BLM: variants seen among roughly 807,000 people sequenced by gnomAD.
BLM encodes the protein recQ-like DNA helicase BLM.
In BLM, 95 loss-of-function variants were observed where a neutral mutation model predicts 135.3. The ratio of observed to expected loss-of-function variants is 0.70; its 90% CI spans 0.59 to 0.83. The LOEUF (loss-of-function observed/expected upper bound fraction) is 0.83, where lower values mean the gene tolerates loss of function less well. Among genes scored for constraint, BLM ranks in the 40% least tolerant of loss-of-function variants. The pLI is 0.00. For synonymous variants in BLM, 520 were observed against 589.2 expected (o/e 0.88, Z 1.70); for missense variants, 1,518 against 1,663.9 (o/e 0.91, Z 1.53).
At chr15:90,737,783 A>G (rs531536257) in intron 1 of BLM, among the ~76,000 whole-genome samples, 2 of 152,234 alleles carry the variant, frequency 1.3e-5, no homozygotes, top group South Asian at 2.1e-4. Flanking sequence ...AACAAACCAA[A>G]CCCAAAGCTA....
chr15:90,809,644 T>A (rs979152277), intron 20 of BLM, among the ~76,000 whole-genome samples: 1 of 152,222 alleles, frequency 6.6e-6, no homozygotes, highest in African/African-American at 2.4e-5. Flanking sequence ...AGGAACATGT[T>A]ATCTGACAAA....
In BLM at chr15:90,760,990, A is replaced by C; in HGVS notation, c.1617A>C (p.Ser539=). The C allele has an allele frequency of 6.2e-7, 1 of 1,611,288 alleles. No homozygotes were observed. Among genetic ancestry groups the C allele is most frequent in the Non-Finnish European group, 8.5e-7 (1 of 1,179,160 alleles). Residue 539 remains serine (S), a synonymous_variant, in exon 7 of 22, where the codon TCA becomes TCC. Transcript: ENST00000355112. The part of the protein sequence containing the change: ...AVKDQNKHTA[S]INDLERETQP... ...AAGATCAGAATAAACATACTGCTTC[A>C]ATAAATGACTTAGAAAGAGAAACCC...
rs747341586 is a variant in BLM at position 90,766,977 on chromosome 15, C to CA, written c.2268dup (p.Asp757ArgfsTer18). ...GCTACAAATATTTACCTCCAGTTAT[C>CA]AAAAAAAGACCCAATCATAAAACTT... On this transcript the variant is annotated frameshift_variant, in exon 10 of 22. Transcript: ENST00000355112. LOFTEE classifies it high-confidence loss of function. The CA allele has an allele frequency of 2.5e-6, 4 of 1,601,458 alleles. No homozygotes were observed. Among genetic ancestry groups the CA allele is most frequent in the Non-Finnish European group, 3.4e-6 (4 of 1,170,514 alleles).
In BLM at chr15:90,769,465, A is replaced by C. The variant is rs763827222; in HGVS notation, c.2434A>C (p.Lys812Gln). 2 of 1,614,196 alleles carry C rather than the reference A, an allele frequency of 1.2e-6. No individual in the cohort carries two copies. Among genetic ancestry groups the C allele is most frequent in the East Asian group, 4.5e-5 (2 of 44,888 alleles). ...QWGHDFRQDY[K>Q]RMNMLRQKFP... is the part of the protein sequence containing the mutation. ...GGGACATGATTTTCGTCAAGATTAC[A>C]AAAGAATGAATATGCTTCGCCAGAA... Residue 812 changes from lysine to glutamine, a missense_variant, in exon 12 of 22, where the codon AAA becomes CAA. This residue lies in a region of BLM where 626 missense variants were observed against 681.1 expected (regional missense o/e 0.92). Coordinates refer to ENST00000355112, the MANE Select transcript of BLM (RefSeq NM_000057.4).
intron 19 of BLM, 92 bp downstream of exon 19, chr15:90,804,451 C>A: frequency 7.4e-7 from 1 of 1,358,158 alleles, no homozygotes; most frequent in Non-Finnish European, 1.0e-6. Flanking sequence ...AAATATATCT[C>A]AGTGGTTTGT....
chr15:90,779,494 T>C (rs1345977795), intron 12 of BLM, among the ~76,000 whole-genome samples: 1 of 152,208 alleles, frequency 6.6e-6, no homozygotes, highest in Non-Finnish European at 1.5e-5. Flanking sequence ...CATTTTAAGA[T>C]TTTCTTCATC....
chr15:90,728,562 C>T lies in BLM; in HGVS notation c.-5+11122C>T, dbSNP rs546929908. Among the ~76,000 whole-genome samples the T allele has an allele frequency of 1.4e-4, 21 of 151,832 alleles. No homozygotes were observed. The South Asian group carries it at 1.9e-3, about 14-fold the overall frequency. On this transcript the variant is annotated intron_variant, in intron 1 of 21. Transcript: ENST00000355112. ...TAGGCACGTGCCACTACTGCCACCA[C>T]GTTCAGCTAATTTTTATATATTTAG...
intron 2 of BLM, 47 bp downstream of exon 2, chr15:90,747,537 C>G (rs377436866): frequency 2.3e-5 from 26 of 1,132,306 alleles, no homozygotes; most frequent in Admixed American, 1.9e-4. Flanking sequence ...TAACTTACCA[C>G]ATTGTACACA....
intron 9 of BLM, 36 bp from the exon 10 acceptor site, chr15:90,766,874 T>C: frequency 1.5e-6 from 2 of 1,326,100 alleles, no homozygotes; most frequent in East Asian, 2.3e-5. Flanking sequence ...CAGGTTAATG[T>C]ATAAAATTGA....
intron 1 of BLM, among the ~76,000 whole-genome samples, chr15:90,728,908 A>G (rs1454804987): frequency 6.6e-6 from 1 of 151,938 alleles, no homozygotes; most frequent in Non-Finnish European, 1.5e-5. Context: ...GGCCGGGAAC[A>G]TTGGCTCATG....
chr15:90,809,255 G>A lies in BLM; in HGVS notation c.3870G>A (p.Ser1290=), dbSNP rs1250145765. The A allele has an allele frequency of 1.9e-6, 3 of 1,614,164 alleles. No individual in the cohort carries two copies. The highest frequency in any genetic ancestry group is 1.7e-5 in the Admixed American group (1 of 60,012). The change falls in exon 20 of 22, where the codon TCG becomes TCA. Residue 1290 remains serine, a synonymous_variant. Transcript: ENST00000355112. ...TACAGAAATACTCTGAATGGACATC[G>A]CCAGGTTAGTACACAGCCATGTGTG... ...SVLQKYSEWT[S]PAEDSSPGIS...
intron 10 of BLM, among the ~76,000 whole-genome samples, chr15:90,767,942 C>CA (rs1555420691): frequency 1.4e-5 from 2 of 148,004 alleles, no homozygotes; most frequent in East Asian, 3.9e-4. Context: ...GTTGGTTACA[C>CA]TTTTTTTTTC....
At chr15:90,720,885 G>A (rs1596192840) in intron 1 of BLM, among the ~76,000 whole-genome samples, 1 of 152,052 alleles carries the variant, frequency 6.6e-6, no homozygotes, top group East Asian at 1.9e-4. Context: ...CACCTGGCCT[G>A]CTTTTTTCAA....
At chr15:90,750,216 A>G in intron 3 of BLM, 149 bp downstream of exon 3, 1 of 852,856 alleles carries the variant, frequency 1.2e-6, no homozygotes, top group Non-Finnish European at 1.9e-6. Flanking sequence ...TGTTGGCCAC[A>G]TTTTTGAGGC....
At chr15:90,802,370 T>A (rs1331543136) in intron 17 of BLM, among the ~76,000 whole-genome samples, 1 of 152,226 alleles carries the variant, frequency 6.6e-6, no homozygotes, top group Non-Finnish European at 1.5e-5. Context: ...GTTGTGTTTA[T>A]AATGAAGACA....
At position 90,790,647 on chromosome 15, in the gene BLM, A is replaced by G; in HGVS notation, c.2824-2A>G. 6.2e-7 allele frequency: 1 copy of G among 1,613,956 alleles called. No homozygotes were observed. The highest frequency in any genetic ancestry group is 8.5e-7 in the Non-Finnish European group (1 of 1,179,810). ...TCTAATAAGCTTTTGCTTTTATATCAGGTTATCTGTGCTACAATTGCATTT... is the reference window on the plus strand; with the variant it reads ...TCTAATAAGCTTTTGCTTTTATATCGGGTTATCTGTGCTACAATTGCATTT... On this transcript the variant is annotated splice_acceptor_variant, in intron 14 of 21. Coordinates refer to ENST00000355112, the MANE Select transcript of BLM (RefSeq NM_000057.4). LOFTEE classifies it high-confidence loss of function.
chr15:90,723,113 A>G lies in BLM; in HGVS notation c.-5+5673A>G, dbSNP rs556444720. On this transcript the variant is annotated intron_variant, in intron 1 of 21. Coordinates refer to ENST00000355112, the MANE Select transcript of BLM (RefSeq NM_000057.4). Reference sequence around the variant, plus strand: ...TGCCTCGGCCTCCCAAAGTGCTGGGATTACAGGCATGAGCCACCGCTCCTG... The same window carrying G: ...TGCCTCGGCCTCCCAAAGTGCTGGGGTTACAGGCATGAGCCACCGCTCCTG... 2.6e-5 allele frequency among the ~76,000 whole-genome samples: 4 copies of G among 151,950 alleles called. No homozygotes were observed. In the East Asian group the frequency reaches 7.8e-4, roughly 30 times the overall value.
chr15:90,800,113 G>A (rs189405124), intron 17 of BLM, among the ~76,000 whole-genome samples: 1 of 152,300 alleles, frequency 6.6e-6, no homozygotes, highest in Admixed American at 6.5e-5. Context: ...TGGCAGATAA[G>A]AGATTTCAGA....
chr15:90,744,239 T>A lies in BLM; in HGVS notation c.-4-3150T>A, dbSNP rs145747726. On this transcript the variant is annotated intron_variant, in intron 1 of 21. Transcript: ENST00000355112. ...TTGTCAGTAGTCTACTTTGTTGATG[T>A]TGAAATTCTTAGAGGGCAATAGTCT... 5.1e-3 allele frequency among the ~76,000 whole-genome samples: 778 copies of A among 152,332 alleles called. 5 individuals are homozygous for A. Among genetic ancestry groups the A allele is most frequent in the African/African-American group, 0.018 (753 of 41,578 alleles).
Sources: gnomAD v4.1 joint callset for allele counts (sites outside exome capture counted in the v4.1 genomes callset) on GRCh38, gnomAD v4.1.1 for gene constraint, gnomAD v4.1.1 regional missense constraint, MANE v1.5 for transcripts, NCBI Gene and HGNC (gene_info 2026-07-23, HGNC 2026-07-21) for gene names.